Variants in RSU1 observed in about 807,000 individuals in gnomAD.
The protein encoded by RSU1 is Ras suppressor protein 1.
A neutral mutation model predicts 31.1 loss-of-function variants in RSU1; 26 were observed. The ratio of observed to expected loss-of-function variants is 0.84; its 90% CI spans 0.61 to 1.16. The LOEUF (loss-of-function observed/expected upper bound fraction) is 1.16. Ranked by LOEUF, RSU1 falls within the 50% of genes most tolerant of loss-of-function variation. RSU1 has a pLI of 0.00. For missense variants in RSU1, 320 were observed against 339.1 expected (o/e 0.94, Z 0.44); for synonymous variants, 164 against 136.3 (o/e 1.20, Z -1.41).
intron 3 of RSU1, among the ~76,000 whole-genome samples, chr10:16,771,088 C>T (rs559499656): frequency 6.6e-6 from 1 of 151,678 alleles, no homozygotes; most frequent in East Asian, 1.9e-4. Context: ...CAGAGGATGG[C>T]AGAGGATATT....
At chr10:16,801,097 T>TAAAA (rs199590345) in intron 2 of RSU1, among the ~76,000 whole-genome samples, 62 of 147,166 alleles carry the variant, frequency 4.2e-4, no homozygotes, top group Middle Eastern at 3.4e-3. Context: ...ATCTTTTTTT[T>TAAAA]AAAAAAAAAA....
chr10:16,645,006 A>T (rs1192061555), intron 8 of RSU1, among the ~76,000 whole-genome samples: 4 of 152,216 alleles, frequency 2.6e-5, no homozygotes, highest in African/African-American at 4.8e-5. Flanking sequence ...CTGATTTCTC[A>T]ACACGCTTCC....
chr10:16,710,180 A>C (rs577338815), intron 7 of RSU1, among the ~76,000 whole-genome samples: 2 of 152,320 alleles, frequency 1.3e-5, no homozygotes, highest in South Asian at 4.1e-4. Flanking sequence ...GTTAAGGTAC[A>C]TACCTTCCAT....
Position 16,752,996 on chromosome 10 carries a change from G to A in RSU1, c.405C>T (p.Thr135=), listed in dbSNP as rs1366464471. The A allele has an allele frequency of 4.3e-6, 7 of 1,613,748 alleles. 1 individual carries two copies. In the South Asian group the frequency reaches 7.7e-5, roughly 18 times the overall value. ...TGTCACTTAGATAGAGTGCACGCAG[G>A]GTGGCTGCAAATTAAACAGCAATAT... ...SLPGNFFYLT[T]LRALYLSDND... The change falls in exon 6 of 9, where the codon ACC becomes ACT. Residue 135 remains threonine, a synonymous_variant. Coordinates refer to ENST00000345264, the MANE Select transcript of RSU1 (RefSeq NM_012425.4).
chr10:16,651,772 G>A (rs894594425), intron 8 of RSU1, among the ~76,000 whole-genome samples: 7 of 152,132 alleles, frequency 4.6e-5, no homozygotes, highest in African/African-American at 1.7e-4. Context: ...TTAAAAGCTT[G>A]ACTTACAGAT....
intron 2 of RSU1, among the ~76,000 whole-genome samples, chr10:16,797,907 A>G (rs1419311603): frequency 1.5e-5 from 2 of 135,644 alleles, no homozygotes; most frequent in Non-Finnish European, 3.0e-5. Context: ...TGTTGCCCAG[A>G]CTGGAGTGGA....
chr10:16,758,084 C>T (rs906158307), intron 4 of RSU1, among the ~76,000 whole-genome samples: 3 of 152,194 alleles, frequency 2.0e-5, no homozygotes, highest in African/African-American at 7.2e-5. Context: ...CCAATACCCA[C>T]AACATTTAAG....
At chr10:16,771,409 G>A (rs1368842112) in intron 3 of RSU1, among the ~76,000 whole-genome samples, 1 of 152,146 alleles carries the variant, frequency 6.6e-6, no homozygotes, top group Non-Finnish European at 1.5e-5. Context: ...TAAAAGCACA[G>A]CCTTTTTAAT....
Position 16,593,388 on chromosome 10 carries a change from C to T in RSU1, c.*6G>A. 2 of 1,614,014 alleles carry T rather than the reference C, an allele frequency of 1.2e-6. No homozygotes were observed. Among genetic ancestry groups the T allele is most frequent in the Non-Finnish European group, 1.7e-6 (2 of 1,179,980 alleles). The stretch of plus-strand genomic sequence containing the variant: ...GCTGGAAGGCCAGCCGATGCCAATC[C>T]CTTCCTTATCTGTTCTTGGCTGCCA... On this transcript the variant is annotated 3_prime_UTR_variant, in exon 9 of 9. Transcript: ENST00000345264.
chr10:16,711,802 CA>C (rs1836025954), intron 7 of RSU1, among the ~76,000 whole-genome samples: 1 of 152,178 alleles, frequency 6.6e-6, no homozygotes, highest in African/African-American at 2.4e-5. Context: ...TGTGGCCTAG[CA>C]TGTGCTCTAT....
At chr10:16,635,410 C>T (rs1343606205) in intron 8 of RSU1, among the ~76,000 whole-genome samples, 2 of 152,184 alleles carry the variant, frequency 1.3e-5, no homozygotes, top group African/African-American at 4.8e-5. Context: ...AGCTGATAAC[C>T]CTGCTTCGTA....
intron 8 of RSU1, among the ~76,000 whole-genome samples, chr10:16,644,614 G>T (rs914407028): frequency 6.6e-6 from 1 of 152,146 alleles, no homozygotes; most frequent in Non-Finnish European, 1.5e-5. Flanking sequence ...CAGGCTCTGG[G>T]TCTCCCAGAC....
At chr10:16,674,796 C>T (rs1185641279) in intron 8 of RSU1, among the ~76,000 whole-genome samples, 2 of 152,056 alleles carry the variant, frequency 1.3e-5, no homozygotes, top group Non-Finnish European at 2.9e-5. Flanking sequence ...CTGTGGGAGG[C>T]CGAGGTGGGC....
At chr10:16,597,928 C>T (rs1833649001) in intron 8 of RSU1, among the ~76,000 whole-genome samples, 1 of 152,352 alleles carries the variant, frequency 6.6e-6, no homozygotes, top group Admixed American at 6.5e-5. Context: ...TGGCGTTTTA[C>T]TAAGCGGCCA....
At chr10:16,810,279 T>C (rs1838382120) in intron 2 of RSU1, among the ~76,000 whole-genome samples, 1 of 151,954 alleles carries the variant, frequency 6.6e-6, no homozygotes, top group Admixed American at 6.6e-5. Flanking sequence ...CAATGTAAAC[T>C]CCCAAACGAA....
At chr10:16,620,415 T>G (rs1834048517) in intron 8 of RSU1, among the ~76,000 whole-genome samples, 1 of 152,022 alleles carries the variant, frequency 6.6e-6, no homozygotes, top group Non-Finnish European at 1.5e-5. Flanking sequence ...ATGAGATTTC[T>G]TTGGGAACTG....
chr10:16,605,445 G>A (rs1009391075), intron 8 of RSU1, among the ~76,000 whole-genome samples: 6 of 152,156 alleles, frequency 3.9e-5, no homozygotes, highest in African/African-American at 1.4e-4. Flanking sequence ...GTACTTACTA[G>A]GAAGTATTAC....
intron 7 of RSU1, among the ~76,000 whole-genome samples, chr10:16,712,011 T>G (rs1016445474): frequency 6.6e-6 from 1 of 152,232 alleles, no homozygotes; most frequent in Non-Finnish European, 1.5e-5. Context: ...TACATCTGTA[T>G]GTTTCAGGGT....
At chr10:16,658,361 C>T (rs1035437470) in intron 8 of RSU1, among the ~76,000 whole-genome samples, 3 of 152,062 alleles carry the variant, frequency 2.0e-5, no homozygotes, top group African/African-American at 7.2e-5. Context: ...GTATTTATTT[C>T]CCCTTGAAAA....
Sources: allele counts gnomAD v4.1 joint callset (sites outside exome capture counted in the v4.1 genomes callset), GRCh38; gene constraint gnomAD v4.1.1; transcripts MANE v1.5; gene names NCBI Gene and HGNC (gene_info 2026-07-23, HGNC 2026-07-21).